The following XIRP2 variants were observed in gnomAD, a reference collection of about 807,000 sequenced individuals.
The protein encoded by XIRP2 is xin actin binding repeat containing 2.
A neutral mutation model predicts 277.0 loss-of-function variants in XIRP2; 236 were observed. That is an observed-to-expected ratio of 0.85 (90% confidence interval 0.77 to 0.95). XIRP2 has a LOEUF of 0.95. Among genes scored for constraint, XIRP2 ranks in the 40% least tolerant of loss-of-function variants. The pLI, the probability that XIRP2 is intolerant of heterozygous loss-of-function variation, is 0.00. For synonymous variants in XIRP2, 1,490 were observed against 1,416.5 expected, an observed-to-expected ratio of 1.05 and a Z score of -1.17; for missense variants, 4,640 against 4,157.5, an observed-to-expected ratio of 1.12 and a Z score of -3.19.
chr2:166,952,425 G>A (rs1686059187), intron 2 of XIRP2, among the ~76,000 whole-genome samples: 1 of 151,850 alleles, frequency 6.6e-6, no homozygotes, highest in Admixed American at 6.6e-5. Flanking sequence ...AACTTCATAA[G>A]GTAATAAATT....
chr2:167,246,366 T>C lies in XIRP2; in HGVS notation c.4974T>C (p.Asp1658=). 1 of 1,613,216 alleles carries C rather than the reference T, an allele frequency of 6.2e-7. No individual in the cohort carries two copies. ...HAEKEEIVKG[D]VQQAIKNLFS... is the part of the protein sequence containing the mutation. Reference sequence around the variant, plus strand: ...AAAAAGAAGAGATAGTGAAAGGTGATGTACAACAAGCAATAAAAAACCTGT... The same window carrying C: ...AAAAAGAAGAGATAGTGAAAGGTGACGTACAACAAGCAATAAAAAACCTGT... The change falls in exon 9 of 11, where the codon GAT becomes GAC. Residue 1658 remains aspartate, a synonymous_variant. Transcript: ENST00000409195.
chr2:167,216,097 G>A (rs936035239), intron 4 of XIRP2, among the ~76,000 whole-genome samples: 1 of 130,102 alleles, frequency 7.7e-6, no homozygotes, highest in East Asian at 2.3e-4. Context: ...AGCTGAAACT[G>A]GATCCCTTCC....
At chr2:166,924,521 A>G (rs1685135144) in intron 2 of XIRP2, among the ~76,000 whole-genome samples, 1 of 151,898 alleles carries the variant, frequency 6.6e-6, no homozygotes, top group Non-Finnish European at 1.5e-5. Flanking sequence ...TGACAAATAT[A>G]TGTATATTTA....
At chr2:167,109,339 G>A (rs1690687196) in intron 2 of XIRP2, among the ~76,000 whole-genome samples, 1 of 152,084 alleles carries the variant, frequency 6.6e-6, no homozygotes, top group South Asian at 2.1e-4. Context: ...GGAGTGCAGT[G>A]ATACAATCTC....
At chr2:167,149,725 A>G (rs1691960219) in intron 3 of XIRP2, among the ~76,000 whole-genome samples, 1 of 152,162 alleles carries the variant, frequency 6.6e-6, no homozygotes, top group Non-Finnish European at 1.5e-5. Context: ...AAAGGAATTT[A>G]TAAGAAACAC....
At chr2:167,049,574 T>C (rs2105532450) in intron 2 of XIRP2, among the ~76,000 whole-genome samples, 1 of 152,124 alleles carries the variant, frequency 6.6e-6, no homozygotes, top group Middle Eastern at 3.4e-3. Flanking sequence ...CAGAATCTAT[T>C]GAAATATTTT....
intron 1 of XIRP2, among the ~76,000 whole-genome samples, chr2:166,889,134 T>C (rs1426055635): frequency 6.6e-6 from 1 of 152,166 alleles, no homozygotes; most frequent in Non-Finnish European, 1.5e-5. Context: ...AGCTGCCTCC[T>C]GGCACAACCA....
intron 1 of XIRP2, among the ~76,000 whole-genome samples, chr2:166,892,469 A>T (rs1054905380): frequency 6.6e-6 from 1 of 152,188 alleles, no homozygotes; most frequent in African/African-American, 2.4e-5. Context: ...TCTGTGAAAC[A>T]GCTCTGGCAT....
intron 2 of XIRP2, among the ~76,000 whole-genome samples, chr2:167,098,130 T>C (rs1328777132): frequency 6.6e-6 from 1 of 152,240 alleles, no homozygotes; most frequent in African/African-American, 2.4e-5. Flanking sequence ...GTGGATAATA[T>C]CCTGAAGTGT....
chr2:167,245,218 T>G lies in XIRP2; in HGVS notation c.3826T>G (p.Cys1276Gly). 6.2e-7 allele frequency: 1 copy of G among 1,613,344 alleles called. No individual in the cohort carries two copies. The highest frequency in any genetic ancestry group is 8.5e-7 in the Non-Finnish European group (1 of 1,179,668). ...ACAAGGTGGGGATGTAAGAAAGGGG[T>G]GCTTTATTTTTGAGACTTTTTCTTT... ...DIQGGDVRKG[C>G]FIFETFSLDE... Residue 1276 changes from cysteine (C) to glycine (G), a missense_variant, in exon 9 of 11, where the codon TGC becomes GGC. Transcript: ENST00000409195.
chr2:167,160,379 A>C (rs1439004447), intron 3 of XIRP2, among the ~76,000 whole-genome samples: 1 of 152,226 alleles, frequency 6.6e-6, no homozygotes, highest in Non-Finnish European at 1.5e-5. Flanking sequence ...AACTGGCATT[A>C]TACTGTTTAA....
At position 166,948,376 on chromosome 2, in the gene XIRP2, T is replaced by TA. The variant is rs200020326; in HGVS notation, c.408+44494dup. ...TTTCTTTGAACCTAAAACTTCTCTCTAAAAAAAATCTATTTTAAAAAGTCT... is the reference window on the plus strand; with the variant it reads ...TTTCTTTGAACCTAAAACTTCTCTCTAAAAAAAAATCTATTTTAAAAAGTCT... On this transcript the variant is annotated intron_variant, in intron 2 of 10. Coordinates refer to ENST00000409195, the MANE Select transcript of XIRP2 (RefSeq NM_152381.6). 9.2e-5 allele frequency among the ~76,000 whole-genome samples: 14 copies of TA among 152,006 alleles called. No homozygotes were observed. The South Asian group carries it at 1.2e-3, about 14-fold the overall frequency.
chr2:167,124,251 T>C (rs1490067848), intron 2 of XIRP2: 1 of 152,168 alleles, frequency 6.6e-6, no homozygotes, highest in Non-Finnish European at 1.5e-5. Flanking sequence ...TCACGTATCA[T>C]GGGTTTTTAG....
chr2:167,200,894 G>A (rs748497868), intron 3 of XIRP2, among the ~76,000 whole-genome samples: 2 of 152,188 alleles, frequency 1.3e-5, no homozygotes, highest in East Asian at 3.9e-4. Flanking sequence ...GGGAGGCCAA[G>A]GCAGCTGTAT....
chr2:166,953,368 C>T (rs1272782691), intron 2 of XIRP2, among the ~76,000 whole-genome samples: 1 of 151,986 alleles, frequency 6.6e-6, no homozygotes, highest in East Asian at 1.9e-4. Flanking sequence ...ATAAGTCTCA[C>T]AAGATCTGGT....
intron 2 of XIRP2, among the ~76,000 whole-genome samples, chr2:167,120,245 G>A (rs751904047): frequency 6.6e-6 from 1 of 152,112 alleles, no homozygotes; most frequent in Non-Finnish European, 1.5e-5. Context: ...GCTGTATCTG[G>A]CTTCCTAGAG....
At chr2:167,146,997 CAATTTTATATCCAACTA>C (rs1157929663) in intron 3 of XIRP2, among the ~76,000 whole-genome samples, 1 of 151,976 alleles carries the variant, frequency 6.6e-6, no homozygotes, top group Non-Finnish European at 1.5e-5. Flanking sequence ...TTTTGACTTC[CAATTTTATATCCAACTA>C]AATTTTAATT....
intron 5 of XIRP2, among the ~76,000 whole-genome samples, chr2:167,220,295 G>A (rs1378266659): frequency 6.6e-6 from 1 of 152,074 alleles, no homozygotes; most frequent in Non-Finnish European, 1.5e-5. Flanking sequence ...AGGTCATTTG[G>A]GTTCAAATTC....
In XIRP2 at chr2:167,100,561, A is replaced by C. The variant is rs146986553; in HGVS notation, c.409-35348A>C. On this transcript the variant is annotated intron_variant, in intron 2 of 10. Coordinates refer to ENST00000409195, the MANE Select transcript of XIRP2 (RefSeq NM_152381.6). Reference sequence around the variant, plus strand: ...TTGGCCTAAGAAGGAAGCTACCTAAAGTGTTAATATTTTCAGCACACTCCT... The same window carrying C: ...TTGGCCTAAGAAGGAAGCTACCTAACGTGTTAATATTTTCAGCACACTCCT... Among the ~76,000 whole-genome samples the C allele has an allele frequency of 2.6e-3, 390 of 152,326 alleles. 4 individuals are homozygous for C. The highest frequency in any genetic ancestry group is 8.9e-3 in the African/African-American group (372 of 41,570).
Sources: allele counts gnomAD v4.1 joint callset (sites outside exome capture counted in the v4.1 genomes callset), GRCh38; gene constraint gnomAD v4.1.1; transcripts MANE v1.5; gene names NCBI Gene and HGNC (gene_info 2026-07-23, HGNC 2026-07-21).